Variants in PPP1R2 observed in about 807,000 individuals in gnomAD.
PPP1R2 encodes protein phosphatase inhibitor 2.
A neutral mutation model predicts 29.9 loss-of-function variants in PPP1R2; 16 were observed. The observed-to-expected ratio is 0.53, with a 90% CI of 0.36 to 0.81. The LOEUF (loss-of-function observed/expected upper bound fraction) is 0.81, where lower values mean the gene tolerates loss of function less well. Ranked by LOEUF, PPP1R2 falls within the 30% of genes least tolerant of loss-of-function variation. The pLI is 0.00. For synonymous variants in PPP1R2, 76 were observed against 91.5 expected, an observed-to-expected ratio of 0.83 and a Z score of 0.96; for missense variants, 197 against 252.7, an observed-to-expected ratio of 0.78 and a Z score of 1.49.
At chr3:195,526,757 A>G (rs1490570948) in intron 2 of PPP1R2, among the ~76,000 whole-genome samples, 1 of 151,870 alleles carries the variant, frequency 6.6e-6, no homozygotes, top group Non-Finnish European at 1.5e-5. Flanking sequence ...TGGGACTACA[A>G]GTACACACCA....
At chr3:195,521,187 C>T (rs1383374861) in intron 4 of PPP1R2, among the ~76,000 whole-genome samples, 7 of 151,434 alleles carry the variant, frequency 4.6e-5, no homozygotes, top group Admixed American at 3.3e-4. Context: ...TGGTGGCACA[C>T]GTCTGTAATC....
At chr3:195,533,217 C>T (rs1381832375) in intron 1 of PPP1R2, among the ~76,000 whole-genome samples, 1 of 151,980 alleles carries the variant, frequency 6.6e-6, no homozygotes, top group Admixed American at 6.6e-5. Context: ...TGGTGGCTTG[C>T]GCTTGTAGTC....
chr3:195,542,911 C>A lies in PPP1R2; in HGVS notation c.115G>T (p.Glu39Ter). Residue 39 changes from glutamate (E) to a stop codon, truncating the protein, a stop_gained, in exon 1 of 6, where the codon GAG becomes TAG. Transcript: ENST00000618156. LOFTEE classifies it high-confidence loss of function. ...GTCCCTCCCAGCGCTCACCTCAGCT[C>A]CTCGTCGACATTCCCGCGGGGCTGT... ...AEQPRGNVDE[E>*]LSKKSQKWDE... is the part of the protein sequence containing the mutation. 1 of 1,602,614 alleles carries A rather than the reference C, an allele frequency of 6.2e-7. No individual in the cohort carries two copies. Among genetic ancestry groups the A allele is most frequent in the Non-Finnish European group, 8.5e-7 (1 of 1,174,730 alleles).
intron 1 of PPP1R2, among the ~76,000 whole-genome samples, chr3:195,532,203 C>A (rs928488901): frequency 3.9e-5 from 4 of 102,518 alleles, no homozygotes; most frequent in African/African-American, 1.4e-4. Flanking sequence ...GCTAATTTTT[C>A]TTTTTCTTTT....
At chr3:195,537,672 T>C (rs951798691) in intron 1 of PPP1R2, among the ~76,000 whole-genome samples, 1 of 149,644 alleles carries the variant, frequency 6.7e-6, no homozygotes, top group Non-Finnish European at 1.5e-5. Flanking sequence ...TTATATAACT[T>C]CAATTTTTCC....
rs200680765 is a variant in PPP1R2, at chr3:195,527,440, ACT to A, written c.230+2352_230+2353del. Reference sequence around the variant, plus strand: ...TCTCCAGCCCGGGTGACAGAGTGAGACTCTGTCTCAAAAAAATAAAAAATAAA... The same window carrying A: ...TCTCCAGCCCGGGTGACAGAGTGAGACTGTCTCAAAAAAATAAAAAATAAA... On this transcript the variant is annotated intron_variant, in intron 2 of 5. Transcript: ENST00000618156. Among the ~76,000 whole-genome samples the A allele has an allele frequency of 6.1e-3, 925 of 151,660 alleles. 9 individuals carry two copies. Among genetic ancestry groups the A allele is most frequent in the African/African-American group, 0.02 (821 of 41,314 alleles).
In PPP1R2 at chr3:195,516,701, G is replaced by C. The variant is rs1718559192; in HGVS notation, c.*195C>G. On this transcript the variant is annotated 3_prime_UTR_variant, in exon 6 of 6. Coordinates refer to ENST00000618156, the MANE Select transcript of PPP1R2 (RefSeq NM_006241.8). ...ACACTGTATTTGTGGTAAAGTACTA[G>C]GCACAAGAATATATATATCGATTAG... The C allele has an allele frequency of 1.8e-6, 1 of 556,674 alleles. No homozygotes were observed. The highest frequency in any genetic ancestry group is 1.9e-5 in the African/African-American group (1 of 53,410). The allele number at this position is 556,674 out of a possible 1,614,324, so 34.5% of individuals were successfully genotyped here. A position where few individuals can be genotyped will look rare whatever the true frequency, so the allele number is the denominator to read the frequency against.
intron 5 of PPP1R2, among the ~76,000 whole-genome samples, chr3:195,517,914 G>A (rs1386246258): frequency 1.3e-5 from 2 of 152,130 alleles, no homozygotes; most frequent in African/African-American, 4.8e-5. Context: ...CTGACACTAT[G>A]AGACAGCAAC....
chr3:195,536,884 G>T (rs1254324189), intron 1 of PPP1R2, among the ~76,000 whole-genome samples: 2 of 150,550 alleles, frequency 1.3e-5, no homozygotes, highest in African/African-American at 2.4e-5. Flanking sequence ...AGTTTAAAAA[G>T]TATCTCTAAT....
rs1232244707 is a variant in PPP1R2, at chr3:195,529,224, T to G, written c.230+570A>C. On this transcript the variant is annotated intron_variant, in intron 2 of 5. Coordinates refer to ENST00000618156, the MANE Select transcript of PPP1R2 (RefSeq NM_006241.8). The stretch of plus-strand genomic sequence containing the variant: ...CCTATTTAGAATCCTCATCTTCTCA[T>G]AATGCTTCTTGCATTATTTTTGTCT... 2.0e-5 allele frequency: 3 copies of G among 152,268 alleles called. No individual in the cohort carries two copies. The East Asian group carries it at 5.8e-4, about 29-fold the overall frequency. 9.4% of individuals were successfully genotyped at this position (152,268 alleles called of 1,614,324 possible).
intron 1 of PPP1R2, among the ~76,000 whole-genome samples, chr3:195,536,994 T>A (rs1277351442): frequency 2.6e-5 from 4 of 151,926 alleles, no homozygotes; most frequent in Middle Eastern, 3.2e-3. Context: ...TTTCTTGAAA[T>A]TAAAAATAAA....
chr3:195,532,404 G>T (rs74470415), intron 1 of PPP1R2, among the ~76,000 whole-genome samples: 7,263 of 151,778 alleles, frequency 0.048, 286 homozygotes, highest in South Asian at 0.17. Context: ...GCCAGGAGTG[G>T]GACTGTGTAA....
At chr3:195,523,499 T>C (rs1718845372) in intron 4 of PPP1R2, among the ~76,000 whole-genome samples, 193 bp downstream of exon 4, 1 of 152,250 alleles carries the variant, frequency 6.6e-6, no homozygotes, top group South Asian at 2.1e-4. Context: ...TTCCCCATAT[T>C]CTTGAAATCA....
chr3:195,526,105 T>TTTC (rs1359123114), intron 2 of PPP1R2, among the ~76,000 whole-genome samples: 1 of 150,474 alleles, frequency 6.6e-6, no homozygotes, highest in Non-Finnish European at 1.5e-5. Flanking sequence ...TAAATAAAAT[T>TTTC]TTTTTTTTTT....
Position 195,530,508 on chromosome 3 carries a change from TTCTC to T in PPP1R2, c.123-611_123-608del, listed in dbSNP as rs545554322. Among the ~76,000 whole-genome samples, 554 of 152,312 alleles carry T rather than the reference TTCTC, an allele frequency of 3.6e-3. 4 individuals are homozygous for T. Among genetic ancestry groups the T allele is most frequent in the African/African-American group, 0.013 (532 of 41,566 alleles). On this transcript the variant is annotated intron_variant, in intron 1 of 5. Transcript: ENST00000618156. ...AAACCTACTTGAAGAGCAATAGACG[TTCTC>T]TCTAAGTACTTTATTATTTTTGTTT...
chr3:195,532,863 C>A (rs533443662), intron 1 of PPP1R2, among the ~76,000 whole-genome samples: 1 of 152,234 alleles, frequency 6.6e-6, no homozygotes, highest in South Asian at 2.1e-4. Flanking sequence ...TCATTTACTA[C>A]CATAAAATAT....
Position 195,526,622 on chromosome 3 carries a change from C to A in PPP1R2, c.231-1726G>T, listed in dbSNP as rs1167270919. Among the ~76,000 whole-genome samples, 7 of 151,570 alleles carry A rather than the reference C, an allele frequency of 4.6e-5. No individual in the cohort carries two copies. The East Asian group carries it at 7.7e-4, about 17-fold the overall frequency. On this transcript the variant is annotated intron_variant, in intron 2 of 5. Coordinates refer to ENST00000618156, the MANE Select transcript of PPP1R2 (RefSeq NM_006241.8). ...CCATAGCTATTCTGAAATTTTTTTT[C>A]TTTTTCTTTAGAGATAAGGTCTCCC...
At chr3:195,526,360 A>G (rs1263903957) in intron 2 of PPP1R2, among the ~76,000 whole-genome samples, 1 of 151,800 alleles carries the variant, frequency 6.6e-6, no homozygotes, top group Non-Finnish European at 1.5e-5. Flanking sequence ...AGCCTCCTAA[A>G]GTGCTGGGAT....
intron 5 of PPP1R2, among the ~76,000 whole-genome samples, chr3:195,518,567 C>T (rs984728246): frequency 3.3e-5 from 5 of 151,606 alleles, no homozygotes; most frequent in African/African-American, 1.2e-4. Flanking sequence ...AGGAGAATGG[C>T]GGGAACCCAG....
Sources: gnomAD v4.1 joint callset for allele counts (sites outside exome capture counted in the v4.1 genomes callset) on GRCh38, gnomAD v4.1.1 for gene constraint, MANE v1.5 for transcripts, NCBI Gene and HGNC (gene_info 2026-07-23, HGNC 2026-07-21) for gene names.